Variants in MYO10 observed in about 807,000 individuals in gnomAD.
MYO10 encodes unconventional myosin-X.
A neutral mutation model predicts 257.3 loss-of-function variants in MYO10; 133 were observed. The observed-to-expected ratio is 0.52, with a 90% CI of 0.45 to 0.60. MYO10 has a LOEUF of 0.60. MYO10 is among the 20% of genes least tolerant of loss of function. MYO10 has a pLI of 0.00. For synonymous variants in MYO10, 1,104 were observed against 1,028.6 expected, an observed-to-expected ratio of 1.07 and a Z score of -1.40; for missense variants, 2,399 against 2,635.7, an observed-to-expected ratio of 0.91 and a Z score of 1.97.
intron 2 of MYO10, among the ~76,000 whole-genome samples, chr5:16,829,640 G>A (rs1031110574): frequency 6.6e-6 from 1 of 152,082 alleles, no homozygotes; most frequent in African/African-American, 2.4e-5. Flanking sequence ...AGCGCCGCAG[G>A]GCTGCAGGCA....
intron 19 of MYO10, among the ~76,000 whole-genome samples, chr5:16,730,491 G>A (rs1739537955): frequency 6.6e-6 from 1 of 152,144 alleles, no homozygotes; most frequent in Non-Finnish European, 1.5e-5. Context: ...GATATTGCAA[G>A]GCTTGTATAT....
chr5:16,801,593 G>A (rs1383717159), intron 3 of MYO10, among the ~76,000 whole-genome samples: 2 of 151,972 alleles, frequency 1.3e-5, no homozygotes, highest in South Asian at 2.1e-4. Context: ...GGTCCTTCTC[G>A]TTTTGTGATT....
At chr5:16,868,701 G>A (rs977995831) in intron 2 of MYO10, among the ~76,000 whole-genome samples, 2 of 152,112 alleles carry the variant, frequency 1.3e-5, no homozygotes, top group Non-Finnish European at 2.9e-5. Flanking sequence ...GTGCTGACCC[G>A]CCTGTGTGCT....
At chr5:16,812,673 T>C (rs1158761073) in intron 3 of MYO10, among the ~76,000 whole-genome samples, 2 of 152,212 alleles carry the variant, frequency 1.3e-5, no homozygotes, top group African/African-American at 4.8e-5. Flanking sequence ...AGGCAGGAAC[T>C]TTCTAAATAA....
At chr5:16,800,522 T>C (rs1055226795) in intron 3 of MYO10, among the ~76,000 whole-genome samples, 1 of 152,230 alleles carries the variant, frequency 6.6e-6, no homozygotes, top group Non-Finnish European at 1.5e-5. Context: ...GCTCGTGGGT[T>C]CTTTACCCAG....
intron 1 of MYO10, among the ~76,000 whole-genome samples, chr5:16,932,277 G>C (rs1332372298): frequency 1.3e-5 from 2 of 152,078 alleles, no homozygotes; most frequent in East Asian, 3.9e-4. Flanking sequence ...TCTTGTATTT[G>C]AACAGACACA....
At chr5:16,666,827 A>AC (rs1459425404) in intron 40 of MYO10, 34 bp from the exon 41 acceptor site, 1 of 1,532,402 alleles carries the variant, frequency 6.5e-7, no homozygotes, top group Non-Finnish European at 8.9e-7. Flanking sequence ...ACACAGCGTC[A>AC]CAAGTCTCCC....
At chr5:16,807,157 C>CG (rs1298788965) in intron 3 of MYO10, among the ~76,000 whole-genome samples, 1 of 152,156 alleles carries the variant, frequency 6.6e-6, no homozygotes, top group Non-Finnish European at 1.5e-5. Flanking sequence ...TCAAACACCT[C>CG]GGCTAAATAC....
intron 2 of MYO10, among the ~76,000 whole-genome samples, chr5:16,855,590 C>A (rs1357425937): frequency 1.3e-5 from 2 of 152,316 alleles, no homozygotes; most frequent in South Asian, 2.1e-4. Context: ...TTAGGTTAAT[C>A]GGACAGGATT....
intron 19 of MYO10, among the ~76,000 whole-genome samples, chr5:16,748,464 C>T (rs1318066648): frequency 6.6e-6 from 1 of 151,916 alleles, no homozygotes; most frequent in Non-Finnish European, 1.5e-5. Flanking sequence ...AGGCTGGTCT[C>T]GAACTCCTGG....
Position 16,783,514 on chromosome 5 carries a change from T to TAA in MYO10, c.468-47_468-46dup, listed in dbSNP as rs770003040. Reference sequence around the variant, plus strand: ...AGTTTGTGCTTCTAACTATAATTTTTAAAAAAAAATCAGCTTTGGTCAATG... The same window carrying TAA: ...AGTTTGTGCTTCTAACTATAATTTTTAAAAAAAAAAATCAGCTTTGGTCAATG... On this transcript the variant is annotated intron_variant, in intron 4 of 40. Coordinates refer to ENST00000513610, the MANE Select transcript of MYO10 (RefSeq NM_012334.3). The TAA allele has an allele frequency of 1.5e-5, 23 of 1,561,886 alleles. No homozygotes were observed. The African/African-American group carries it at 2.3e-4, about 16-fold the overall frequency.
intron 1 of MYO10, among the ~76,000 whole-genome samples, chr5:16,906,060 C>G (rs1283028878): frequency 6.6e-6 from 1 of 152,164 alleles, no homozygotes; most frequent in Non-Finnish European, 1.5e-5. Flanking sequence ...GGCATTTCCA[C>G]AAAAAAAGTG....
intron 36 of MYO10, 100 bp from the exon 37 acceptor site, chr5:16,672,925 C>T (rs982318851): frequency 7.3e-7 from 1 of 1,370,962 alleles, no homozygotes; most frequent in Non-Finnish European, 9.8e-7. Context: ...GCTGCTGGCA[C>T]AAGGGCGTCT....
At chr5:16,796,869 T>C (rs918712223) in intron 3 of MYO10, among the ~76,000 whole-genome samples, 2 of 152,166 alleles carry the variant, frequency 1.3e-5, no homozygotes, top group African/African-American at 4.8e-5. Flanking sequence ...TAACTTAAAA[T>C]GAGGCCATTA....
intron 19 of MYO10, among the ~76,000 whole-genome samples, chr5:16,751,899 A>G (rs1450625399): frequency 6.6e-6 from 1 of 152,206 alleles, no homozygotes; most frequent in Non-Finnish European, 1.5e-5. Context: ...GCCAATACAA[A>G]TGCAAACGTG....
At chr5:16,683,750 AC>A in intron 30 of MYO10, 129 bp downstream of exon 30, 1 of 821,358 alleles carries the variant, frequency 1.2e-6, no homozygotes, top group East Asian at 2.7e-5. Flanking sequence ...GCTGGGGTTG[AC>A]AAGGTGGGAA....
chr5:16,693,633 T>G lies in MYO10; in HGVS notation c.3800+738A>C, dbSNP rs536864192. Among the ~76,000 whole-genome samples the G allele has an allele frequency of 5.0e-4, 76 of 152,366 alleles. 2 individuals are homozygous for G. Among genetic ancestry groups the G allele is most frequent in the Middle Eastern group, 6.8e-3 (2 of 294 alleles). On this transcript the variant is annotated intron_variant, in intron 27 of 40. Transcript: ENST00000513610. ...TTAATTTGATCCCTCAAAGATTATT[T>G]TACTACTTTTCTAAATATTTGAGGT...
At chr5:16,836,490 A>G (rs959416026) in intron 2 of MYO10, among the ~76,000 whole-genome samples, 1 of 152,196 alleles carries the variant, frequency 6.6e-6, no homozygotes, top group African/African-American at 2.4e-5. Flanking sequence ...CAAAAACTCA[A>G]TGACTACACA....
intron 1 of MYO10, among the ~76,000 whole-genome samples, chr5:16,929,629 C>A (rs949712855): frequency 6.6e-6 from 1 of 152,074 alleles, no homozygotes; most frequent in Non-Finnish European, 1.5e-5. Flanking sequence ...TAGGGTTGTT[C>A]AAGGGATTAA....
Sources: gnomAD v4.1 joint callset for allele counts (sites outside exome capture counted in the v4.1 genomes callset) on GRCh38, gnomAD v4.1.1 for gene constraint, MANE v1.5 for transcripts, NCBI Gene and HGNC (gene_info 2026-07-23, HGNC 2026-07-21) for gene names.